The following KIAA1217 variants were observed in gnomAD, a reference collection of about 807,000 sequenced individuals.
The protein encoded by KIAA1217 is KIAA1217.
A neutral mutation model predicts 163.9 loss-of-function variants in KIAA1217; 88 were observed. The ratio of observed to expected loss-of-function variants is 0.54; its 90% CI spans 0.45 to 0.64. KIAA1217 has a LOEUF of 0.64. Ranked by LOEUF, KIAA1217 falls within the 30% of genes least tolerant of loss-of-function variation. The probability of loss-of-function intolerance (pLI) is 0.00; values close to 1 mark genes in which losing one functional copy is unlikely to be tolerated. For synonymous variants in KIAA1217, 903 were observed against 923.1 expected (o/e 0.98, Z 0.39); for missense variants, 2,372 against 2,475.0 (o/e 0.96, Z 0.88).
intron 3 of KIAA1217, among the ~76,000 whole-genome samples, chr10:24,405,454 T>C (rs2057104062): frequency 6.6e-6 from 1 of 151,846 alleles, no homozygotes; most frequent in Admixed American, 6.6e-5. Flanking sequence ...TGTAAGGGGG[T>C]TAAAAGTAAG....
intron 1 of KIAA1217, among the ~76,000 whole-genome samples, chr10:23,948,529 A>G (rs1490409391): frequency 6.6e-6 from 1 of 152,042 alleles, no homozygotes; most frequent in African/African-American, 2.4e-5. Context: ...GAGATGATGG[A>G]TGTGTTTCCT....
chr10:23,704,138 G>A lies in KIAA1217; in HGVS notation c.-321+8904G>A, dbSNP rs1836686957. Among the ~76,000 whole-genome samples, 2 of 86,810 alleles carry A rather than the reference G, an allele frequency of 2.3e-5. 1 individual carries two copies. Among genetic ancestry groups the A allele is most frequent in the South Asian group, 7.3e-4 (2 of 2,754 alleles). The allele number at this position is 86,810 out of a possible 152,430, so 57.0% of individuals were successfully genotyped here. A position where few individuals can be genotyped will look rare whatever the true frequency, so the allele number is the denominator to read the frequency against. On this transcript the variant is annotated intron_variant, in intron 1 of 18. Coordinates refer to the KIAA1217 transcript ENST00000376462. ...CACATACACATATATGCATGTATGTGTGTGTGTATGTGTGTGTGTGTGTGT... is the reference window on the plus strand; with the variant it reads ...CACATACACATATATGCATGTATGTATGTGTGTATGTGTGTGTGTGTGTGT...
At chr10:24,194,513 A>T (rs2130486939) in intron 2 of KIAA1217, among the ~76,000 whole-genome samples, 1 of 148,924 alleles carries the variant, frequency 6.7e-6, no homozygotes, top group African/African-American at 2.5e-5. Flanking sequence ...ACTCTGCTGA[A>T]CTCCCAAACC....
intron 1 of KIAA1217, among the ~76,000 whole-genome samples, chr10:23,732,203 A>T (rs1838516620): frequency 6.6e-6 from 1 of 152,042 alleles, no homozygotes; most frequent in Non-Finnish European, 1.5e-5. Flanking sequence ...TTCACCAGTG[A>T]TCCATTTAGG....
At chr10:24,158,003 GT>G in intron 2 of KIAA1217, 1 of 762,606 alleles carries the variant, frequency 1.3e-6, no homozygotes, top group Non-Finnish European at 2.4e-6. Context: ...TGGCCCTTCA[GT>G]AGGAGTAGTG....
At chr10:23,893,549 G>T (rs1478261308) in intron 1 of KIAA1217, among the ~76,000 whole-genome samples, 1 of 151,888 alleles carries the variant, frequency 6.6e-6, no homozygotes, top group Non-Finnish European at 1.5e-5. Flanking sequence ...GGATGTGTTT[G>T]CTCTTGCTTT....
intron 2 of KIAA1217, among the ~76,000 whole-genome samples, chr10:24,040,122 C>T (rs1455835489): frequency 6.6e-6 from 1 of 152,230 alleles, no homozygotes; most frequent in Non-Finnish European, 1.5e-5. Context: ...TCCTTCCAGT[C>T]AGCTTCCCAG....
At chr10:24,312,400 G>A (rs2042815285) in intron 2 of KIAA1217, among the ~76,000 whole-genome samples, 1 of 152,002 alleles carries the variant, frequency 6.6e-6, no homozygotes, top group African/African-American at 2.4e-5. Flanking sequence ...CGAATCACCT[G>A]AGGTCAGGAG....
At chr10:24,481,778 G>A (rs1165132957) in intron 6 of KIAA1217, 1 of 152,078 alleles carries the variant, frequency 6.6e-6, no homozygotes, top group Non-Finnish European at 1.5e-5. Context: ...TTCAGAAAAG[G>A]GAACATTTTC....
intron 1 of KIAA1217, among the ~76,000 whole-genome samples, chr10:23,928,028 A>G (rs1041004547): frequency 6.6e-6 from 1 of 152,340 alleles, no homozygotes; most frequent in African/African-American, 2.4e-5. Flanking sequence ...GGCTGCTGGC[A>G]GGGTACTTGA....
rs1173653514 is a variant in KIAA1217 at position 24,402,523 on chromosome 10, C to CAAAAAAAAAA, written c.553+21460_553+21461insAAAAAAAAAA. Among the ~76,000 whole-genome samples, 148 of 71,002 alleles carry CAAAAAAAAAA rather than the reference C, an allele frequency of 2.1e-3. 1 individual carries two copies. The highest frequency in any genetic ancestry group is 6.5e-3 in the African/African-American group (139 of 21,436). 46.6% of individuals were successfully genotyped at this position (71,002 alleles called of 152,430 possible). ...GACTCCCTCTCAAAAAAACAAAAAA[C>CAAAAAAAAAA]AAAACAAAAAAAAAAAAAAGGCAAA... On this transcript the variant is annotated intron_variant, in intron 3 of 20. Transcript: ENST00000376454.
Position 23,764,903 on chromosome 10 carries a change from A to G in KIAA1217, c.-321+69669A>G, listed in dbSNP as rs145246950. Among the ~76,000 whole-genome samples the G allele has an allele frequency of 7.4e-4, 112 of 152,282 alleles. 2 individuals carry two copies. The highest frequency in any genetic ancestry group is 3.5e-3 in the Admixed American group (53 of 15,306). On this transcript the variant is annotated intron_variant, in intron 1 of 18. Transcript: ENST00000376462. Reference sequence around the variant, plus strand: ...AAACCTGCACGTTGTGCACACACACAAGTCACATAATATCAACATTCTCGT... The same window carrying G: ...AAACCTGCACGTTGTGCACACACACGAGTCACATAATATCAACATTCTCGT...
chr10:24,248,527 C>T (rs372240647), intron 2 of KIAA1217, among the ~76,000 whole-genome samples: 16 of 151,798 alleles, frequency 1.1e-4, no homozygotes, highest in Middle Eastern at 3.4e-3. Context: ...AAAAATTAGC[C>T]GGGCATGGTG....
At chr10:24,097,620 A>T (rs1381680474) in intron 2 of KIAA1217, among the ~76,000 whole-genome samples, 3 of 152,210 alleles carry the variant, frequency 2.0e-5, no homozygotes, top group African/African-American at 4.8e-5. Flanking sequence ...AATAGTAAGA[A>T]ATTAAGAAGA....
chr10:24,337,683 G>A (rs1364872544), intron 2 of KIAA1217, among the ~76,000 whole-genome samples: 2 of 132,646 alleles, frequency 1.5e-5, no homozygotes, highest in African/African-American at 3.0e-5. Flanking sequence ...TCATACTGTC[G>A]CCCAGGCTGG....
intron 1 of KIAA1217, among the ~76,000 whole-genome samples, chr10:23,856,333 G>A (rs1010636781): frequency 1.4e-4 from 22 of 152,178 alleles, no homozygotes; most frequent in South Asian, 4.1e-4. Flanking sequence ...GCGGATTTTC[G>A]TGAACCGCGA....
intron 5 of KIAA1217, chr10:24,466,765 T>A (rs2132788979): frequency 1.0e-6 from 1 of 985,462 alleles, no homozygotes; most frequent in Non-Finnish European, 1.2e-6. Flanking sequence ...CGGCGTTAGT[T>A]ACACAGGTGA....
chr10:24,319,409 AG>A (rs1253553502), intron 2 of KIAA1217, among the ~76,000 whole-genome samples: 1 of 137,142 alleles, frequency 7.3e-6, no homozygotes, highest in African/African-American at 2.7e-5. Flanking sequence ...AAAAAAAGGC[AG>A]GGGATGGCTT....
Position 24,438,402 on chromosome 10 carries a change from T to A in KIAA1217, c.769T>A (p.Ser257Thr), listed in dbSNP as rs2060233995. ...LNDVRNIQDR[S>T]LLKVYNKDPA... is the part of the protein sequence containing the mutation. The stretch of plus-strand genomic sequence containing the variant: ...TGATTCCAGGAACATTCAAGACAGA[T>A]CACTCCTCAAAGTGTACAACAAGGA... The change falls in exon 5 of 21, where the codon TCA (serine) becomes ACA (threonine). Residue 257 changes from serine to threonine, a missense_variant. By Grantham distance (58) the Ser-to-Thr change is moderately conservative (BLOSUM62 1). Around this residue, in one of 3 missense-constraint regions of KIAA1217, gnomAD observed 1,431 missense variants for 1,470.3 expected, o/e 0.97. Coordinates refer to ENST00000376454, the MANE Select transcript of KIAA1217 (RefSeq NM_019590.5). The A allele has an allele frequency of 6.2e-7, 1 of 1,612,648 alleles. No homozygotes were observed. The highest frequency in any genetic ancestry group is 8.5e-7 in the Non-Finnish European group (1 of 1,178,694).
Sources: allele counts gnomAD v4.1 joint callset (sites outside exome capture counted in the v4.1 genomes callset), GRCh38; gene constraint gnomAD v4.1.1; regional missense constraint gnomAD v4.1.1; transcripts MANE v1.5; gene names NCBI Gene and HGNC (gene_info 2026-07-23, HGNC 2026-07-21).